The following FREM3 variants were observed in gnomAD, a reference collection of about 807,000 sequenced individuals.
FREM3 encodes the protein FRAS1 related extracellular matrix 3.
FREM3 carries 105 observed loss-of-function variants against 129.1 expected under a neutral mutation model. The observed-to-expected ratio is 0.81, with a 90% CI of 0.69 to 0.96. The LOEUF (loss-of-function observed/expected upper bound fraction) is 0.96. FREM3 is among the 40% of genes least tolerant of loss of function. FREM3 has a pLI of 0.00. For missense variants in FREM3, 2,593 were observed against 2,666.3 expected (o/e 0.97, Z 0.61); for synonymous variants, 1,014 against 1,044.9 (o/e 0.97, Z 0.57).
At chr4:143,613,787 G>T (rs548317371) in intron 5 of FREM3, among the ~76,000 whole-genome samples, 5 of 152,276 alleles carry the variant, frequency 3.3e-5, no homozygotes, top group African/African-American at 1.2e-4. Flanking sequence ...GTCAGAAACT[G>T]CATGTTAACT....
At chr4:143,599,155 T>TA (rs1450616342) in intron 6 of FREM3, among the ~76,000 whole-genome samples, 3 of 152,206 alleles carry the variant, frequency 2.0e-5, no homozygotes, top group Non-Finnish European at 4.4e-5. Flanking sequence ...AGCTGATTTT[T>TA]AAAAAAGAAT....
At position 143,696,463 on chromosome 4, in the gene FREM3, C is replaced by T. The variant is rs867981260; in HGVS notation, c.4213G>A (p.Asp1405Asn). The T allele has an allele frequency of 6.5e-6, 10 of 1,537,590 alleles. No homozygotes were observed. The highest frequency in any genetic ancestry group is 7.8e-6 in the Non-Finnish European group (9 of 1,147,018). The change falls in exon 1 of 8, where the codon GAT becomes AAT. Residue 1405 changes from aspartate (D) to asparagine (N), a missense_variant. Coordinates refer to ENST00000329798, the MANE Select transcript of FREM3 (RefSeq NM_001168235.2). ...TGGTCTGTCAAAGTGTTAACCCCAT[C>T]AGTAACATCAAACTTGATAATGTCA... The part of the protein sequence containing the change: ...IVDIIKFDVT[D>N]GVNTLTDHYF...
At position 143,585,836 on chromosome 4, in the gene FREM3, C is replaced by A. The variant is rs774438262; in HGVS notation, c.6178+8G>T. Reference sequence around the variant, plus strand: ...GATAATGATATATTCTTTAAGTGGCCCTCTCACCTTCTGCTGACTCCTGCT... The same window carrying A: ...GATAATGATATATTCTTTAAGTGGCACTCTCACCTTCTGCTGACTCCTGCT... On this transcript the variant is annotated splice_region_variant and intron_variant, in intron 7 of 7. Transcript: ENST00000329798. This position sits in a 1 kb window ranked among gnomAD's most constrained non-coding sequence, Gnocchi z 4.2. 1 of 1,536,810 alleles carries A rather than the reference C, an allele frequency of 6.5e-7. No homozygotes were observed. The highest frequency in any genetic ancestry group is 8.7e-7 in the Non-Finnish European group (1 of 1,146,686).
In FREM3 at chr4:143,696,626, A is replaced by G; in HGVS notation, c.4050T>C (p.Pro1350=). 6.5e-7 allele frequency: 1 copy of G among 1,537,718 alleles called. No individual in the cohort carries two copies. The highest frequency in any genetic ancestry group is 8.7e-7 in the Non-Finnish European group (1 of 1,147,018). The change falls in exon 1 of 8, where the codon CCT becomes CCC. Residue 1350 remains proline (P), a synonymous_variant. Coordinates refer to ENST00000329798, the MANE Select transcript of FREM3 (RefSeq NM_001168235.2). ...TCAGCCTCTGTAGAAGCCCTTGTTG[A>G]GGCCCAGAATGGAGGACAAAACTGA... ...KSLSFVLHSG[P]QQGLLQRLRK...
rs1009997211 is a variant in FREM3 at position 143,699,818 on chromosome 4, G to C, written c.858C>G (p.Val286=). Reference sequence around the variant, plus strand: ...TCACGAGCAGCTGGAAGTGCTCGCGGACCAGCACACCCGCGGACCCAGCGT... The same window carrying C: ...TCACGAGCAGCTGGAAGTGCTCGCGCACCAGCACACCCGCGGACCCAGCGT... The part of the protein sequence containing the change: ...GQDAGSAGVL[V]REHFQLLVRI... The change falls in exon 1 of 8, where the codon GTC becomes GTG. Residue 286 remains valine (V), a synonymous_variant. Coordinates refer to ENST00000329798, the MANE Select transcript of FREM3 (RefSeq NM_001168235.2). The surrounding 1 kb of genome is among the most constrained non-coding windows in gnomAD (Gnocchi z 4.2). 7.8e-6 allele frequency: 12 copies of C among 1,536,418 alleles called. No homozygotes were observed. The African/African-American group carries it at 1.4e-4, about 18-fold the overall frequency.
rs908842055 is a variant in FREM3, at chr4:143,599,003, T to C, written c.6028+12276A>G. Among the ~76,000 whole-genome samples the C allele has an allele frequency of 8.5e-5, 13 of 152,178 alleles. 1 individual carries two copies. Among genetic ancestry groups the C allele is most frequent in the Non-Finnish European group, 4.4e-5 (3 of 68,024 alleles). ...TTAAGTGACACATGACTGTAGCTGG[T>C]TTTGTACTCAGCCTGGATATGGGAG... On this transcript the variant is annotated intron_variant, in intron 6 of 7. Coordinates refer to ENST00000329798, the MANE Select transcript of FREM3 (RefSeq NM_001168235.2).
At chr4:143,592,541 T>C (rs1318058957) in intron 6 of FREM3, among the ~76,000 whole-genome samples, 1 of 152,240 alleles carries the variant, frequency 6.6e-6, no homozygotes, top group East Asian at 1.9e-4. Flanking sequence ...TTGAAAATTC[T>C]TTTCTTTAAG....
chr4:143,630,266 T>C (rs1277920207), intron 2 of FREM3, among the ~76,000 whole-genome samples: 1 of 152,176 alleles, frequency 6.6e-6, no homozygotes, highest in Non-Finnish European at 1.5e-5. Flanking sequence ...TCATCATGGT[T>C]TTAAAACAGC....
intron 2 of FREM3, chr4:143,644,993 A>G (rs1045099834): frequency 5.3e-5 from 8 of 152,182 alleles, no homozygotes; most frequent in Admixed American, 1.3e-4. Flanking sequence ...TGTATTAGTA[A>G]TGGGTGATAA....
At chr4:143,693,935 T>C (rs1229223398) in intron 1 of FREM3, among the ~76,000 whole-genome samples, 1 of 151,482 alleles carries the variant, frequency 6.6e-6, no homozygotes, top group African/African-American at 2.4e-5. Context: ...CTAAGGGGAG[T>C]TCTTAAATGA....
Position 143,693,096 on chromosome 4 carries a change from G to C in FREM3, c.5275+17C>G, listed in dbSNP as rs751424877. On this transcript the variant is annotated intron_variant, in intron 2 of 7. Coordinates refer to ENST00000329798, the MANE Select transcript of FREM3 (RefSeq NM_001168235.2). Reference sequence around the variant, plus strand: ...TAGTTAACCATGAATCCTTTTGAAGGGTTTATTATGACTTACCATTGTCTT... The same window carrying C: ...TAGTTAACCATGAATCCTTTTGAAGCGTTTATTATGACTTACCATTGTCTT... The C allele has an allele frequency of 1.0e-5, 13 of 1,289,922 alleles. No homozygotes were observed. In the South Asian group the frequency reaches 1.2e-4, roughly 12 times the overall value. 79.9% of individuals were successfully genotyped at this position (1,289,922 alleles called of 1,614,324 possible). A position where few individuals can be genotyped will look rare whatever the true frequency, so the allele number is the denominator to read the frequency against.
intron 6 of FREM3, among the ~76,000 whole-genome samples, chr4:143,597,726 T>A (rs1388302278): frequency 1.3e-5 from 2 of 152,206 alleles, no homozygotes; most frequent in Non-Finnish European, 2.9e-5. Context: ...AGGGAAAGAC[T>A]TGTACACTGC....
In FREM3 at chr4:143,699,050, T is replaced by C; in HGVS notation, c.1626A>G (p.Glu542=). ...CTGTGTTAGTATTGACCATTGGTGG[T>C]TCATCATCCACAGGTAGGATGGTGA... ...FPLTILPVDD[E]PPMVNTNTGL... The change falls in exon 1 of 8, where the codon GAA becomes GAG. Residue 542 remains glutamate, a synonymous_variant. Coordinates refer to ENST00000329798, the MANE Select transcript of FREM3 (RefSeq NM_001168235.2). This position sits in a 1 kb window ranked among gnomAD's most constrained non-coding sequence, Gnocchi z 4.2. The C allele has an allele frequency of 1.3e-6, 2 of 1,537,354 alleles. No individual in the cohort carries two copies. Among genetic ancestry groups the C allele is most frequent in the Non-Finnish European group, 1.7e-6 (2 of 1,146,870 alleles).
At chr4:143,646,400 T>G (rs1477473330) in intron 2 of FREM3, among the ~76,000 whole-genome samples, 1 of 152,152 alleles carries the variant, frequency 6.6e-6, no homozygotes, top group Non-Finnish European at 1.5e-5. Context: ...GAGTCTGATA[T>G]GATTTGGTTC....
At chr4:143,633,606 C>T (rs1439801920) in intron 2 of FREM3, among the ~76,000 whole-genome samples, 1 of 152,074 alleles carries the variant, frequency 6.6e-6, no homozygotes, top group African/African-American at 2.4e-5. Context: ...TAGCATAACG[C>T]CTGGCATGCA....
At chr4:143,622,546 A>G (rs111933372) in intron 4 of FREM3, among the ~76,000 whole-genome samples, 6 of 151,976 alleles carry the variant, frequency 3.9e-5, no homozygotes, top group Admixed American at 2.6e-4. Context: ...ATAAGTATCA[A>G]CCTCCAGGAA....
At chr4:143,583,865 C>G (rs1738190272) in intron 7 of FREM3, among the ~76,000 whole-genome samples, 1 of 152,124 alleles carries the variant, frequency 6.6e-6, no homozygotes. Flanking sequence ...CACTTAAGTA[C>G]ATAGACCATT....
At position 143,700,351 on chromosome 4, in the gene FREM3, C is replaced by A; in HGVS notation, c.325G>T (p.Ala109Ser). 1 of 1,534,692 alleles carries A rather than the reference C, an allele frequency of 6.5e-7. No homozygotes were observed. The highest frequency in any genetic ancestry group is 1.2e-5 in the South Asian group (1 of 83,918). The change falls in exon 1 of 8, where the codon GCG (alanine) becomes TCG (serine). Residue 109 changes from alanine to serine, a missense_variant. By Grantham distance (99) the Ala-to-Ser change is moderately conservative (BLOSUM62 1). Transcript: ENST00000329798. ...CAGGGGAAGCGGCGCGGGGAGAGCG[C>A]GCCCTTGAGCCGCGGCAGGGCGTCC... ...VLDALPRLKGALSPRRFPCTF... is the reference protein window; with the variant it reads ...VLDALPRLKGSLSPRRFPCTF...
At chr4:143,678,380 G>A (rs920334634) in intron 2 of FREM3, among the ~76,000 whole-genome samples, 4 of 152,010 alleles carry the variant, frequency 2.6e-5, no homozygotes, top group Admixed American at 6.6e-5. Flanking sequence ...ATCACACACC[G>A]GGGCCTGTTG....
Sources: allele counts gnomAD v4.1 joint callset (sites outside exome capture counted in the v4.1 genomes callset), GRCh38; gene constraint gnomAD v4.1.1; non-coding constraint Gnocchi (gnomAD v3.1); transcripts MANE v1.5; gene names NCBI Gene and HGNC (gene_info 2026-07-23, HGNC 2026-07-21).